UBR2: variants seen among roughly 807,000 people sequenced by gnomAD.
UBR2 encodes the protein ubiquitin protein ligase E3 component n-recognin 2, also known as E3 ubiquitin-protein ligase UBR2.
A neutral mutation model predicts 247.9 loss-of-function variants in UBR2; 92 were observed. The ratio of observed to expected loss-of-function variants is 0.37; its 90% CI spans 0.31 to 0.44. UBR2 has a LOEUF of 0.44. UBR2 is among the 20% of genes least tolerant of loss of function. The pLI, the probability that UBR2 is intolerant of heterozygous loss-of-function variation, is 1.00. For missense variants in UBR2, 1,613 were observed against 2,112.6 expected (o/e 0.76, Z 4.64); for synonymous variants, 672 against 693.5 (o/e 0.97, Z 0.49).
In UBR2 at chr6:42,691,073, A is replaced by C; in HGVS notation, c.5168A>C (p.Lys1723Thr). The change falls in exon 47 of 47, where the codon AAG (lysine) becomes ACG (threonine). Residue 1723 changes from lysine (K) to threonine (T), a missense_variant. Coordinates refer to ENST00000372901, the MANE Select transcript of UBR2 (RefSeq NM_001363705.2). ...CATTTATGCAAAGAGCGATTCAAGAAGATTCAGAAGCTCTGGCACCAACAC... is the reference window on the plus strand; with the variant it reads ...CATTTATGCAAAGAGCGATTCAAGACGATTCAGAAGCTCTGGCACCAACAC... ...PLHLCKERFK[K>T]IQKLWHQHSV... 1 of 1,614,218 alleles carries C rather than the reference A, an allele frequency of 6.2e-7. No homozygotes were observed. Among genetic ancestry groups the C allele is most frequent in the Non-Finnish European group, 8.5e-7 (1 of 1,180,030 alleles).
At chr6:42,650,494 C>CTCTATAATGG in intron 23 of UBR2, 108 bp downstream of exon 23, 1 of 867,332 alleles carries the variant, frequency 1.2e-6, no homozygotes. Context: ...ATTCACAATG[C>CTCTATAATGG]CATTATAGAG....
At chr6:42,648,699 CTT>C (rs1796927737) in intron 22 of UBR2, among the ~76,000 whole-genome samples, 1 of 151,928 alleles carries the variant, frequency 6.6e-6, no homozygotes, top group African/African-American at 2.4e-5. Context: ...AAGATAGTGT[CTT>C]TATTTTTTGT....
intron 18 of UBR2, among the ~76,000 whole-genome samples, chr6:42,643,068 A>G (rs1204564490): frequency 6.6e-6 from 1 of 151,966 alleles, no homozygotes. Context: ...CTTCCCTGAC[A>G]CACTAAAACT....
chr6:42,635,901 T>C (rs144829266), intron 14 of UBR2, among the ~76,000 whole-genome samples: 9 of 152,336 alleles, frequency 5.9e-5, no homozygotes, highest in Non-Finnish European at 1.3e-4. Flanking sequence ...CTTAAAATTA[T>C]TTTGGCCTTC....
rs763048244 is a variant in UBR2, at chr6:42,673,775, C to T, written c.4087-16C>T. 15 of 1,598,652 alleles carry T rather than the reference C, an allele frequency of 9.4e-6. No individual in the cohort carries two copies. The South Asian group carries it at 1.1e-4, about 12-fold the overall frequency. ...TTGCATTTTTGTTTTTTGTTAATTG[C>T]GTTGGTTTATTTTAGGATGACTGTC... On this transcript the variant is annotated splice_polypyrimidine_tract_variant and intron_variant, in intron 36 of 46. Transcript: ENST00000372901.
chr6:42,641,649 A>G lies in UBR2; in HGVS notation c.1988A>G (p.His663Arg). Reference sequence around the variant, plus strand: ...TGTCTTGTTCTGTGTGCCCAAGTACATGCCGGAATGTGGAGAAGAAATGGG... The same window carrying G: ...TGTCTTGTTCTGTGTGCCCAAGTACGTGCCGGAATGTGGAGAAGAAATGGG... ...LRCLVLCAQVHAGMWRRNGFS... is the reference protein window; with the variant it reads ...LRCLVLCAQVRAGMWRRNGFS... Residue 663 changes from histidine (H) to arginine (R), a missense_variant, in exon 17 of 47, where the codon CAT (histidine) becomes CGT (arginine). Physicochemically the swap from His to Arg is conservative, Grantham distance 29. Coordinates refer to ENST00000372901, the MANE Select transcript of UBR2 (RefSeq NM_001363705.2). 1 of 1,609,400 alleles carries G rather than the reference A, an allele frequency of 6.2e-7. No individual in the cohort carries two copies. The highest frequency in any genetic ancestry group is 1.1e-5 in the South Asian group (1 of 90,160).
At chr6:42,632,947 TTC>T in intron 13 of UBR2, 43 bp downstream of exon 13, 2 of 1,172,880 alleles carry the variant, frequency 1.7e-6, no homozygotes, top group South Asian at 1.8e-5. Context: ...TTTTTTTTTT[TTC>T]TCTTTTCTCT....
rs537628058 is a variant in UBR2 at position 42,677,468 on chromosome 6, C to T, written c.4478+595C>T. Among the ~76,000 whole-genome samples, 6 of 152,168 alleles carry T rather than the reference C, an allele frequency of 3.9e-5. No homozygotes were observed. The East Asian group carries it at 9.6e-4, about 24-fold the overall frequency. On this transcript the variant is annotated intron_variant, in intron 40 of 46. Transcript: ENST00000372901. ...AATAATTCAACATATAGAAAAAAAA[C>T]ATATAGGCATATAAAGATGGACACT...
At chr6:42,640,408 G>A (rs1562345118) in intron 16 of UBR2, 138 bp downstream of exon 16, 6 of 513,838 alleles carry the variant, frequency 1.2e-5, no homozygotes, top group South Asian at 1.2e-4. Context: ...GTGTGTGTGT[G>A]TGTGTGTGTG....
chr6:42,580,043 GT>G (rs11377376), intron 2 of UBR2, among the ~76,000 whole-genome samples: 1 of 151,012 alleles, frequency 6.6e-6, no homozygotes, highest in South Asian at 2.1e-4. Context: ...AGATTTCTAG[GT>G]TTTTTTTTCT....
intron 11 of UBR2, among the ~76,000 whole-genome samples, chr6:42,632,055 TTAA>T (rs1307385218): frequency 7.9e-5 from 2 of 25,298 alleles, no homozygotes; most frequent in African/African-American, 1.7e-4. Flanking sequence ...ATTTGCTTAT[TTAA>T]AAAAAAAAAA....
rs1790627806 is a variant in UBR2 at position 42,564,045 on chromosome 6, G to A, written c.-275G>A. 2.0e-6 allele frequency: 1 copy of A among 491,462 alleles called. No homozygotes were observed. The highest frequency in any genetic ancestry group is 2.8e-5 in the South Asian group (1 of 35,914). The allele number at this position is 491,462 out of a possible 1,614,324, so 30.4% of individuals were successfully genotyped here. A position where few individuals can be genotyped will look rare whatever the true frequency, so the allele number is the denominator to read the frequency against. ...CAGGACGCGGTAGTGGCCAGCGAGAGTGTCAGGCCTGGGGTTTTCTGTGTC... is the reference window on the plus strand; with the variant it reads ...CAGGACGCGGTAGTGGCCAGCGAGAATGTCAGGCCTGGGGTTTTCTGTGTC... On this transcript the variant is annotated 5_prime_UTR_variant, in exon 1 of 47. It adds an upstream start codon to the 5' untranslated region. Transcript: ENST00000372901.
At chr6:42,613,857 A>G (rs1158528793) in intron 8 of UBR2, among the ~76,000 whole-genome samples, 6 of 151,688 alleles carry the variant, frequency 4.0e-5, no homozygotes, top group Non-Finnish European at 8.8e-5. Context: ...CATGCTTGAA[A>G]AAGATGAAAA....
chr6:42,630,462 C>T (rs1219872344), intron 11 of UBR2, among the ~76,000 whole-genome samples: 1 of 151,816 alleles, frequency 6.6e-6, no homozygotes, highest in African/African-American at 2.4e-5. Flanking sequence ...GGATAACAGG[C>T]ATAAGCCACT....
intron 1 of UBR2, among the ~76,000 whole-genome samples, chr6:42,566,665 G>A (rs1790795401): frequency 1.3e-5 from 2 of 152,164 alleles, no homozygotes; most frequent in South Asian, 4.1e-4. Flanking sequence ...TGGGATTACA[G>A]GCGTGAGCCA....
chr6:42,652,114 C>A, intron 24 of UBR2, 43 bp downstream of exon 24: 2 of 1,525,998 alleles, frequency 1.3e-6, no homozygotes, highest in East Asian at 2.4e-5. Flanking sequence ...ATCTTTTTTG[C>A]TTGTTAAACA....
intron 43 of UBR2, 128 bp downstream of exon 43, chr6:42,683,239 C>A: frequency 1.5e-6 from 1 of 651,238 alleles, no homozygotes; most frequent in Non-Finnish European, 2.5e-6. Context: ...AGATATGTTG[C>A]CTTCATATTT....
chr6:42,663,480 A>G (rs1036277763), intron 32 of UBR2, 61 bp downstream of exon 32: 14 of 1,489,484 alleles, frequency 9.4e-6, no homozygotes, highest in South Asian at 1.3e-5. Flanking sequence ...ATAATGAAAT[A>G]ATAAATCAAG....
intron 8 of UBR2, among the ~76,000 whole-genome samples, chr6:42,613,565 AT>A (rs974913203): frequency 2.0e-5 from 3 of 151,918 alleles, no homozygotes; most frequent in African/African-American, 7.3e-5. Flanking sequence ...TCTATCTAAA[AT>A]TTTTTTTAAA....
Sources: allele counts gnomAD v4.1 joint callset (sites outside exome capture counted in the v4.1 genomes callset), GRCh38; gene constraint gnomAD v4.1.1; transcripts MANE v1.5; gene names NCBI Gene and HGNC (gene_info 2026-07-23, HGNC 2026-07-21).